Variants in ZNF804B observed in about 807,000 individuals in gnomAD.
ZNF804B encodes the protein zinc finger 804B.
In ZNF804B, 80 loss-of-function variants were observed where a neutral mutation model predicts 101.4. That is an observed-to-expected ratio of 0.79 (90% CI 0.66 to 0.95). The LOEUF (loss-of-function observed/expected upper bound fraction) is 0.95. Among genes scored for constraint, ZNF804B ranks in the 40% least tolerant of loss-of-function variants. The probability of loss-of-function intolerance (pLI) is 0.00; values close to 1 mark genes in which losing one functional copy is unlikely to be tolerated. For synonymous variants in ZNF804B, 622 were observed against 558.8 expected (o/e 1.11, Z -1.59); for missense variants, 1,673 against 1,561.9 (o/e 1.07, Z -1.20).
intron 1 of ZNF804B, among the ~76,000 whole-genome samples, chr7:89,128,119 C>T (rs1481153815): frequency 2.6e-5 from 4 of 151,398 alleles, no homozygotes; most frequent in Non-Finnish European, 4.4e-5. Context: ...TAATAAATTC[C>T]TTTTGGGCGT....
chr7:88,781,105 T>C (rs890273527), intron 1 of ZNF804B, among the ~76,000 whole-genome samples: 7 of 152,310 alleles, frequency 4.6e-5, no homozygotes, highest in African/African-American at 1.7e-4. Flanking sequence ...ATCTTAGAAT[T>C]TGAGTTCTTT....
intron 1 of ZNF804B, among the ~76,000 whole-genome samples, chr7:88,773,057 A>G (rs970739429): frequency 2.0e-5 from 3 of 152,200 alleles, no homozygotes. Context: ...AAATTCATAC[A>G]TCTTACCTGG....
chr7:88,868,654 C>T (rs1429604423), intron 1 of ZNF804B, among the ~76,000 whole-genome samples: 2 of 152,164 alleles, frequency 1.3e-5, no homozygotes, highest in African/African-American at 4.8e-5. Flanking sequence ...GTTTTCAGGA[C>T]CCAAGACCTT....
At chr7:88,798,994 G>T (rs1162872846) in intron 1 of ZNF804B, among the ~76,000 whole-genome samples, 2 of 152,078 alleles carry the variant, frequency 1.3e-5, no homozygotes, top group African/African-American at 4.8e-5. Flanking sequence ...ATAAGTCACA[G>T]AACCTTAATA....
intron 2 of ZNF804B, among the ~76,000 whole-genome samples, chr7:89,316,868 C>T (rs2115958400): frequency 6.6e-6 from 1 of 152,284 alleles, no homozygotes; most frequent in East Asian, 1.9e-4. Flanking sequence ...CAGGAGAAGT[C>T]TGCCTAAGTT....
chr7:88,901,265 T>A (rs1340519400), intron 1 of ZNF804B, among the ~76,000 whole-genome samples: 2 of 151,914 alleles, frequency 1.3e-5, no homozygotes, highest in South Asian at 2.1e-4. Context: ...ATTGTACTTG[T>A]CTGAAATGTA....
intron 3 of ZNF804B, 83 bp from the exon 4 acceptor site, chr7:89,333,280 T>C: frequency 7.6e-7 from 1 of 1,315,120 alleles, no homozygotes; most frequent in Non-Finnish European, 1.0e-6. Context: ...ATAACTCATC[T>C]TAGAAACACT....
chr7:89,118,533 T>C (rs1419786298), intron 1 of ZNF804B, among the ~76,000 whole-genome samples: 2 of 151,376 alleles, frequency 1.3e-5, no homozygotes, highest in Non-Finnish European at 3.0e-5. Context: ...AACAAAATGT[T>C]CTGTTCTGAG....
At chr7:88,785,050 T>C (rs551387478) in intron 1 of ZNF804B, among the ~76,000 whole-genome samples, 3 of 152,262 alleles carry the variant, frequency 2.0e-5, no homozygotes, top group South Asian at 4.1e-4. Flanking sequence ...GAAATTGATT[T>C]ACAAATCTTC....
chr7:88,978,993 A>G (rs1793657977), intron 1 of ZNF804B, among the ~76,000 whole-genome samples: 2 of 151,902 alleles, frequency 1.3e-5, no homozygotes, highest in Non-Finnish European at 2.9e-5. Flanking sequence ...CTTATATTCC[A>G]TTATTTTATA....
rs145904906 is a variant in ZNF804B at position 89,271,421 on chromosome 7, T to A, written c.249+53126T>A. On this transcript the variant is annotated intron_variant, in intron 2 of 3. Transcript: ENST00000333190. ...CTTGCATCCCAGGGATGAAGCCCAC[T>A]TGATCATGGTGGATAAGCTTTTTGA... 8.9e-3 allele frequency among the ~76,000 whole-genome samples: 1,351 copies of A among 152,292 alleles called. 24 individuals are homozygous for A. Among genetic ancestry groups the A allele is most frequent in the African/African-American group, 0.031 (1,280 of 41,554 alleles).
chr7:89,063,929 G>A (rs372460272), intron 1 of ZNF804B, among the ~76,000 whole-genome samples: 3 of 152,150 alleles, frequency 2.0e-5, no homozygotes, highest in South Asian at 4.1e-4. Context: ...TTTCAAATTA[G>A]TAGTATTGTG....
chr7:88,799,382 G>A (rs564442904), intron 1 of ZNF804B, among the ~76,000 whole-genome samples: 1 of 151,692 alleles, frequency 6.6e-6, no homozygotes, highest in Non-Finnish European at 1.5e-5. Context: ...GAGTAGTTAA[G>A]TATTTTGCAC....
At position 89,171,306 on chromosome 7, in the gene ZNF804B, T is replaced by G. The variant is rs1002046635; in HGVS notation, c.109-46849T>G. Among the ~76,000 whole-genome samples, 287 of 109,926 alleles carry G rather than the reference T, an allele frequency of 2.6e-3. 6 individuals are homozygous for G. The highest frequency in any genetic ancestry group is 7.7e-3 in the African/African-American group (224 of 29,028). The allele number at this position is 109,926 out of a possible 152,430, so 72.1% of individuals were successfully genotyped here. ...TGCTGCTGCTTCTTCTTCTTCTTCT[T>G]CTTCTTCTTCTTCTTCTTCTTCTTC... is the stretch of plus-strand genomic sequence containing the variant. On this transcript the variant is annotated intron_variant, in intron 1 of 3. Transcript: ENST00000333190.
intron 1 of ZNF804B, among the ~76,000 whole-genome samples, chr7:88,762,857 C>G (rs2373427): frequency 0.036 from 5,549 of 152,164 alleles, 293 homozygotes; most frequent in East Asian, 0.28. Flanking sequence ...AATACTTCAA[C>G]TTTGGTCTTT....
rs1554340240 is a variant in ZNF804B at position 88,854,524 on chromosome 7, T to TCCCTTC, written c.108+94442_108+94443insCTTCCC. On this transcript the variant is annotated intron_variant, in intron 1 of 3. Coordinates refer to ENST00000333190, the MANE Select transcript of ZNF804B (RefSeq NM_181646.5). ...TTCCTTTCCTTTCCTTTCCTTTCCTTCCTTTCCTTCCTTCCTTCCTTCCTT... is the reference window on the plus strand; with the variant it reads ...TTCCTTTCCTTTCCTTTCCTTTCCTTCCCTTCCCTTTCCTTCCTTCCTTCCTTCCTT... 1.6e-3 allele frequency among the ~76,000 whole-genome samples: 103 copies of TCCCTTC among 66,094 alleles called. 2 individuals carry two copies. Among genetic ancestry groups the TCCCTTC allele is most frequent in the African/African-American group, 6.4e-3 (80 of 12,476 alleles). 43.4% of individuals were successfully genotyped at this position (66,094 alleles called of 152,430 possible).
rs115272286 is a variant in ZNF804B, at chr7:88,948,224, A to C, written c.108+188140A>C. Reference sequence around the variant, plus strand: ...TGGGTATTACTGGGTCTCTATGATAATGAGTCCTAAAAAACCCTAGTTGTT... The same window carrying C: ...TGGGTATTACTGGGTCTCTATGATACTGAGTCCTAAAAAACCCTAGTTGTT... On this transcript the variant is annotated intron_variant, in intron 1 of 3. Transcript: ENST00000333190. 9.0e-4 allele frequency among the ~76,000 whole-genome samples: 137 copies of C among 151,608 alleles called. 1 individual carries two copies. Among genetic ancestry groups the C allele is most frequent in the African/African-American group, 3.2e-3 (133 of 41,388 alleles).
At chr7:88,773,204 TGA>T (rs1790094862) in intron 1 of ZNF804B, among the ~76,000 whole-genome samples, 1 of 152,316 alleles carries the variant, frequency 6.6e-6, no homozygotes, top group South Asian at 2.1e-4. Context: ...CAGGAACTAC[TGA>T]GTGGGTAAAT....
chr7:88,768,212 AATTTCC>A (rs1466640479), intron 1 of ZNF804B, among the ~76,000 whole-genome samples: 1 of 152,192 alleles, frequency 6.6e-6, no homozygotes, highest in Non-Finnish European at 1.5e-5. Context: ...GAATATTGGA[AATTTCC>A]ACCTAGTCAT....
Sources: allele counts gnomAD v4.1 joint callset (sites outside exome capture counted in the v4.1 genomes callset), GRCh38; gene constraint gnomAD v4.1.1; transcripts MANE v1.5; gene names NCBI Gene and HGNC (gene_info 2026-07-23, HGNC 2026-07-21).